Variants in ZNF385D observed in about 807,000 individuals in gnomAD.
The protein encoded by ZNF385D is zinc finger protein 659.
Under a neutral mutation model 35.8 loss-of-function variants are expected in ZNF385D, and 15 were observed. The ratio of observed to expected loss-of-function variants is 0.42; its 90% CI spans 0.28 to 0.64. ZNF385D has a LOEUF of 0.64. Ranked by LOEUF, ZNF385D falls within the 30% of genes least tolerant of loss-of-function variation. The pLI is 0.23. For synonymous variants in ZNF385D, 212 were observed against 186.8 expected, an observed-to-expected ratio of 1.13 and a Z score of -1.10; for missense variants, 474 against 494.6, an observed-to-expected ratio of 0.96 and a Z score of 0.39.
intron 2 of ZNF385D, among the ~76,000 whole-genome samples, chr3:21,585,317 A>G (rs920438557): frequency 2.6e-5 from 4 of 151,494 alleles, no homozygotes; most frequent in Non-Finnish European, 5.9e-5. Flanking sequence ...GGGAACTCTT[A>G]GTGAGAGTTA....
intron 3 of ZNF385D, among the ~76,000 whole-genome samples, chr3:21,981,043 T>C (rs947923789): frequency 1.3e-5 from 2 of 152,196 alleles, no homozygotes. Flanking sequence ...TGCATGTGTC[T>C]TTATGGTAGA....
At chr3:22,177,646 A>T (rs1303282471) in intron 2 of ZNF385D, among the ~76,000 whole-genome samples, 1 of 152,168 alleles carries the variant, frequency 6.6e-6, no homozygotes, top group Non-Finnish European at 1.5e-5. Context: ...GGTTTGTTAC[A>T]TATGTATACA....
intron 3 of ZNF385D, among the ~76,000 whole-genome samples, chr3:21,963,475 T>C (rs576461458): frequency 6.6e-6 from 1 of 152,216 alleles, no homozygotes; most frequent in African/African-American, 2.4e-5. Flanking sequence ...CAAATTAACA[T>C]CCTTATTGCC....
intron 3 of ZNF385D, among the ~76,000 whole-genome samples, chr3:22,079,244 A>G (rs184013446): frequency 2.1e-3 from 316 of 151,154 alleles, no homozygotes; most frequent in African/African-American, 7.2e-3. Context: ...TAAAAGAAAT[A>G]TAATTGCAAC....
intron 3 of ZNF385D, among the ~76,000 whole-genome samples, chr3:22,128,599 T>C (rs774150543): frequency 1.3e-5 from 2 of 152,174 alleles, no homozygotes; most frequent in Non-Finnish European, 2.9e-5. Flanking sequence ...AATTTTCAAA[T>C]AGTCTATCTT....
intron 1 of ZNF385D, among the ~76,000 whole-genome samples, chr3:21,698,707 GAC>G (rs1472005222): frequency 6.7e-6 from 1 of 150,296 alleles, no homozygotes; most frequent in Non-Finnish European, 1.5e-5. Flanking sequence ...CTCAAAAGAA[GAC>G]ATTTATGCAG....
At chr3:21,814,172 C>A (rs1049007308) in intron 3 of ZNF385D, among the ~76,000 whole-genome samples, 3 of 152,166 alleles carry the variant, frequency 2.0e-5, no homozygotes, top group Admixed American at 6.6e-5. Flanking sequence ...CACCAACAGG[C>A]CTGTCTTGCA....
chr3:22,133,230 T>C (rs915065772), intron 3 of ZNF385D, among the ~76,000 whole-genome samples: 1 of 152,166 alleles, frequency 6.6e-6, no homozygotes, highest in Non-Finnish European at 1.5e-5. Context: ...CTTCGTATCT[T>C]CAACATCCTT....
chr3:21,742,103 AC>A (rs1377409288), intron 1 of ZNF385D, among the ~76,000 whole-genome samples: 1 of 152,176 alleles, frequency 6.6e-6, no homozygotes, highest in African/African-American at 2.4e-5. Context: ...GGCTTTTCAC[AC>A]CTTCATAACA....
intron 2 of ZNF385D, among the ~76,000 whole-genome samples, chr3:21,614,428 C>T (rs2064779679): frequency 2.6e-5 from 4 of 152,204 alleles, no homozygotes; most frequent in Admixed American, 2.6e-4. Flanking sequence ...AATACATTCA[C>T]ATTCAACATA....
At position 22,127,828 on chromosome 3, in the gene ZNF385D, CTGTTTA is replaced by C. The variant is rs549531478; in HGVS notation, c.325+40983_325+40988del. Reference sequence around the variant, plus strand: ...CCCACTCTTTAACTTTTTGTTGTTTCTGTTTATATCATACTATACTATCTATGTCTT... The same window carrying C: ...CCCACTCTTTAACTTTTTGTTGTTTCTATCATACTATACTATCTATGTCTT... On this transcript the variant is annotated intron_variant, in intron 3 of 5. Transcript: ENST00000494108. 1.2e-4 allele frequency among the ~76,000 whole-genome samples: 18 copies of C among 152,150 alleles called. No homozygotes were observed. The South Asian group carries it at 3.3e-3, about 28-fold the overall frequency.
chr3:22,105,358 CAT>C (rs1702151398), intron 3 of ZNF385D, among the ~76,000 whole-genome samples: 1 of 150,658 alleles, frequency 6.6e-6, no homozygotes, highest in Non-Finnish European at 1.5e-5. Flanking sequence ...TAGATAAACA[CAT>C]ATATATCTAT....
At chr3:21,691,531 TTTC>T (rs2067285758) in intron 1 of ZNF385D, among the ~76,000 whole-genome samples, 1 of 152,054 alleles carries the variant, frequency 6.6e-6, no homozygotes, top group East Asian at 1.9e-4. Context: ...TTCTCCTTTC[TTTC>T]TTCTAAGAAG....
chr3:21,645,266 G>A (rs759960899), intron 2 of ZNF385D, among the ~76,000 whole-genome samples: 7 of 152,148 alleles, frequency 4.6e-5, no homozygotes, highest in Non-Finnish European at 8.8e-5. Flanking sequence ...GGTTGTTAGA[G>A]TCACTGATAA....
intron 3 of ZNF385D, among the ~76,000 whole-genome samples, chr3:22,025,360 G>C (rs1697473600): frequency 6.6e-6 from 1 of 152,062 alleles, no homozygotes; most frequent in African/African-American, 2.4e-5. Context: ...TATAACTAAA[G>C]TCCTAGAGGG....
chr3:22,127,480 C>G (rs1703506992), intron 3 of ZNF385D, among the ~76,000 whole-genome samples: 1 of 151,456 alleles, frequency 6.6e-6, no homozygotes, highest in African/African-American at 2.4e-5. Flanking sequence ...GCTGGGATTA[C>G]AAGCACCTGC....
chr3:21,834,769 A>ATGGATCT (rs3073148), intron 3 of ZNF385D, among the ~76,000 whole-genome samples: 129,794 of 151,390 alleles, frequency 0.86, 55,721 homozygotes, highest in African/African-American at 0.89. Flanking sequence ...TGGGAGATGA[A>ATGGATCT]TGGATCTTGG....
chr3:21,811,000 A>ATG (rs2072898259), intron 3 of ZNF385D, among the ~76,000 whole-genome samples: 1 of 125,656 alleles, frequency 8.0e-6, no homozygotes, highest in Admixed American at 8.1e-5. Flanking sequence ...GTGTGTGTGT[A>ATG]TATATATATA....
intron 3 of ZNF385D, among the ~76,000 whole-genome samples, chr3:21,516,992 TA>T (rs1707610186): frequency 6.6e-6 from 1 of 152,156 alleles, no homozygotes; most frequent in Non-Finnish European, 1.5e-5. Context: ...TCTAATTTAT[TA>T]AATTTTAGCT....
Sources: gnomAD v4.1 joint callset for allele counts (sites outside exome capture counted in the v4.1 genomes callset) on GRCh38, gnomAD v4.1.1 for gene constraint, MANE v1.5 for transcripts, NCBI Gene and HGNC (gene_info 2026-07-23, HGNC 2026-07-21) for gene names.